The following CSMD1 variants were observed in gnomAD, a reference collection of about 807,000 sequenced individuals.
CSMD1 encodes CUB and Sushi multiple domains 1, also known as CUB and sushi domain-containing protein 1.
In CSMD1, 213 loss-of-function variants were observed where a neutral mutation model predicts 417.5. That is an observed-to-expected ratio of 0.51 (90% CI 0.46 to 0.57). CSMD1 has a LOEUF of 0.57. Ranked by LOEUF, CSMD1 falls within the 20% of genes least tolerant of loss-of-function variation. CSMD1 has a pLI of 0.00. For synonymous variants in CSMD1, 2,862 were observed against 1,736.8 expected, an observed-to-expected ratio of 1.65 and a Z score of -16.11; for missense variants, 6,923 against 4,529.7, an observed-to-expected ratio of 1.53 and a Z score of -15.17.
chr8:3,700,243 A>T (rs934201121), intron 7 of CSMD1, among the ~76,000 whole-genome samples: 7 of 152,174 alleles, frequency 4.6e-5, no homozygotes, highest in African/African-American at 1.4e-4. Context: ...CCTGTACCCC[A>T]ATAACTTATG....
rs184693794 is a variant in CSMD1 at position 3,259,569 on chromosome 8, A to G, written c.4153+24575T>C. On this transcript the variant is annotated intron_variant, in intron 26 of 69. Transcript: ENST00000635120. ...TAAAATGACATTACAACTCCATTAC[A>G]ATGATTAGTTGTTAAACATGATGTG... 2.5e-3 allele frequency among the ~76,000 whole-genome samples: 387 copies of G among 152,326 alleles called. 1 individual carries two copies. The highest frequency in any genetic ancestry group is 8.7e-3 in the African/African-American group (361 of 41,568).
At chr8:4,571,439 A>G (rs1036134556) in intron 2 of CSMD1, among the ~76,000 whole-genome samples, 3 of 152,162 alleles carry the variant, frequency 2.0e-5, no homozygotes, top group African/African-American at 2.4e-5. Context: ...GTTTCCATGT[A>G]GTTGATGCAG....
chr8:4,663,213 C>T (rs1804712476), intron 1 of CSMD1, among the ~76,000 whole-genome samples: 1 of 152,146 alleles, frequency 6.6e-6, no homozygotes, highest in Admixed American at 6.5e-5. Context: ...GCCTGAGACA[C>T]ATTATCCCAG....
chr8:4,853,498 T>C (rs777728406), intron 1 of CSMD1, among the ~76,000 whole-genome samples: 2 of 152,216 alleles, frequency 1.3e-5, no homozygotes, highest in Non-Finnish European at 2.9e-5. Flanking sequence ...TAAAGGAGGC[T>C]TGGCAGCTTC....
Position 3,562,755 on chromosome 8 carries a change from A to G in CSMD1, c.1344+12190T>C, listed in dbSNP as rs997619837. On this transcript the variant is annotated intron_variant, in intron 10 of 69. Transcript: ENST00000635120. ...CTGATTGGTTAAAAATAATAATAAT[A>G]CGGAGCCTATTGGAGGGTGGAGGGT... is the stretch of plus-strand genomic sequence containing the variant. Among the ~76,000 whole-genome samples, 3 of 151,558 alleles carry G rather than the reference A, an allele frequency of 2.0e-5. No homozygotes were observed. In the East Asian group the frequency reaches 5.8e-4, roughly 30 times the overall value.
At chr8:4,830,477 G>A (rs968199968) in intron 1 of CSMD1, among the ~76,000 whole-genome samples, 2 of 152,178 alleles carry the variant, frequency 1.3e-5, no homozygotes, top group African/African-American at 4.8e-5. Flanking sequence ...CTTTTTGCTA[G>A]ATTGTCATCA....
intron 15 of CSMD1, among the ~76,000 whole-genome samples, chr8:3,402,450 C>A (rs1161540): frequency 6.6e-6 from 1 of 151,942 alleles, no homozygotes; most frequent in Non-Finnish European, 1.5e-5. Context: ...CATGATGCCA[C>A]TGAGCTGCAT....
At chr8:3,316,463 G>C (rs910519399) in intron 23 of CSMD1, among the ~76,000 whole-genome samples, 18 of 152,204 alleles carry the variant, frequency 1.2e-4, no homozygotes, top group African/African-American at 2.9e-4. Flanking sequence ...GAATGCTATG[G>C]TTTGCGTGAA....
At chr8:4,075,832 G>C (rs186316226) in intron 3 of CSMD1, among the ~76,000 whole-genome samples, 1 of 152,270 alleles carries the variant, frequency 6.6e-6, no homozygotes, top group East Asian at 1.9e-4. Context: ...GAGTGAAAAA[G>C]GAAGCAGGCT....
chr8:4,974,233 C>T (rs192238019), intron 1 of CSMD1, among the ~76,000 whole-genome samples: 2 of 151,428 alleles, frequency 1.3e-5, no homozygotes, highest in Admixed American at 1.3e-4. Context: ...ACCATGTTGG[C>T]CAGGCTGGTC....
At chr8:3,216,101 A>T (rs1797867276) in intron 29 of CSMD1, among the ~76,000 whole-genome samples, 1 of 150,746 alleles carries the variant, frequency 6.6e-6, no homozygotes, top group African/African-American at 2.4e-5. Flanking sequence ...AGATTAAATG[A>T]TACATATATA....
rs185611514 is a variant in CSMD1 at position 3,802,440 on chromosome 8, T to G, written c.819-48398A>C. Among the ~76,000 whole-genome samples, 250 of 152,322 alleles carry G rather than the reference T, an allele frequency of 1.6e-3. 1 individual carries two copies. The highest frequency in any genetic ancestry group is 5.2e-3 in the African/African-American group (218 of 41,576). ...CACTATTATTCTTTAGACATTTTTTTCTTATTAAATTTGTCAGCCTGATAC... is the reference window on the plus strand; with the variant it reads ...CACTATTATTCTTTAGACATTTTTTGCTTATTAAATTTGTCAGCCTGATAC... On this transcript the variant is annotated intron_variant, in intron 5 of 69. Transcript: ENST00000635120.
chr8:4,252,136 A>C (rs933537422), intron 3 of CSMD1, among the ~76,000 whole-genome samples: 2 of 152,186 alleles, frequency 1.3e-5, no homozygotes, highest in Non-Finnish European at 2.9e-5. Context: ...ACACAATTTC[A>C]GTTTTGTTCT....
At chr8:4,336,382 T>A (rs1158612189) in intron 3 of CSMD1, among the ~76,000 whole-genome samples, 1 of 152,138 alleles carries the variant, frequency 6.6e-6, no homozygotes, top group Admixed American at 6.6e-5. Context: ...TGTGCCTGAC[T>A]AGGCGTGACC....
chr8:4,409,795 G>A (rs1258236508), intron 3 of CSMD1, among the ~76,000 whole-genome samples: 1 of 152,036 alleles, frequency 6.6e-6, no homozygotes, highest in South Asian at 2.1e-4. Flanking sequence ...TAATTTGGAA[G>A]AAATAACAAT....
At chr8:3,981,185 T>A (rs1813833952) in intron 5 of CSMD1, among the ~76,000 whole-genome samples, 1 of 152,176 alleles carries the variant, frequency 6.6e-6, no homozygotes, top group Non-Finnish European at 1.5e-5. Flanking sequence ...AGAATGGGTA[T>A]CTCCATAGTT....
rs371588108 is a variant in CSMD1 at position 3,502,364 on chromosome 8, CAA to C, written c.1345-8640_1345-8639del. 4.9e-4 allele frequency among the ~76,000 whole-genome samples: 54 copies of C among 109,172 alleles called. No homozygotes were observed. In the South Asian group the frequency reaches 0.012, roughly 24 times the overall value. 71.6% of individuals were successfully genotyped at this position (109,172 alleles called of 152,430 possible). Reference sequence around the variant, plus strand: ...TGGGGGACAGACCGAGACTTCATCTCAAAAAAAAAAAAAAAAAGAAGTATTTC... The same window carrying C: ...TGGGGGACAGACCGAGACTTCATCTCAAAAAAAAAAAAAAAGAAGTATTTC... On this transcript the variant is annotated intron_variant, in intron 10 of 69. Coordinates refer to ENST00000635120, the MANE Select transcript of CSMD1 (RefSeq NM_033225.6).
At position 4,571,687 on chromosome 8, in the gene CSMD1, A is replaced by T. The variant is rs180915067; in HGVS notation, c.302+65655T>A. On this transcript the variant is annotated intron_variant, in intron 2 of 69. Transcript: ENST00000635120. ...AGTTCAAGTCCTGAATATCTTTGTT[A>T]ATTTTCTGTCTCTTTGATCTGTCTA... is the stretch of plus-strand genomic sequence containing the variant. Among the ~76,000 whole-genome samples, 548 of 152,160 alleles carry T rather than the reference A, an allele frequency of 3.6e-3. 3 individuals carry two copies. The highest frequency in any genetic ancestry group is 0.013 in the African/African-American group (527 of 41,512).
At chr8:3,684,620 C>A (rs1158820489) in intron 7 of CSMD1, among the ~76,000 whole-genome samples, 4 of 128,334 alleles carry the variant, frequency 3.1e-5, no homozygotes, top group African/African-American at 5.8e-5. Context: ...TTTTTTTAGA[C>A]GGAGTCTCGC....
Sources: gnomAD v4.1 joint callset for allele counts (sites outside exome capture counted in the v4.1 genomes callset) on GRCh38, gnomAD v4.1.1 for gene constraint, MANE v1.5 for transcripts, NCBI Gene and HGNC (gene_info 2026-07-23, HGNC 2026-07-21) for gene names.